Variants in USP25 observed in about 807,000 individuals in gnomAD.
USP25 encodes ubiquitin specific peptidase 25.
USP25 carries 85 observed loss-of-function variants against 158.5 expected under a neutral mutation model. The ratio of observed to expected loss-of-function variants is 0.54; its 90% CI spans 0.45 to 0.64. The LOEUF (loss-of-function observed/expected upper bound fraction) is 0.64, where lower values mean the gene tolerates loss of function less well. Ranked by LOEUF, USP25 falls within the 30% of genes least tolerant of loss-of-function variation. The probability of loss-of-function intolerance (pLI) is 0.00; values close to 1 mark genes in which losing one functional copy is unlikely to be tolerated. For synonymous variants in USP25, 464 were observed against 460.4 expected (o/e 1.01, Z -0.10); for missense variants, 1,242 against 1,327.3 (o/e 0.94, Z 1.00).
At chr21:15,866,149 CA>C (rs2039646277) in intron 21 of USP25, 116 bp from the exon 22 acceptor site, 1 of 490,118 alleles carries the variant, frequency 2.0e-6, no homozygotes, top group Non-Finnish European at 3.2e-6. Context: ...TGTTTCTATA[CA>C]AAAGTACTGC....
At chr21:15,756,744 T>C (rs2033402501) in intron 1 of USP25, among the ~76,000 whole-genome samples, 1 of 152,210 alleles carries the variant, frequency 6.6e-6, no homozygotes, top group Admixed American at 6.5e-5. Context: ...TGAAGACTTG[T>C]AGGTAATCTT....
At chr21:15,874,279 A>AT in intron 23 of USP25, 124 bp from the exon 24 acceptor site, 2 of 885,036 alleles carry the variant, frequency 2.3e-6, no homozygotes, top group Non-Finnish European at 3.2e-6. Flanking sequence ...GTCAGATGAT[A>AT]TTTTTTATTA....
chr21:15,824,357 T>A (rs923201944), intron 11 of USP25, among the ~76,000 whole-genome samples, 191 bp downstream of exon 11: 1 of 152,218 alleles, frequency 6.6e-6, no homozygotes, highest in Non-Finnish European at 1.5e-5. Flanking sequence ...AATAATGTTA[T>A]AAGGAAATTT....
At chr21:15,742,669 A>G (rs1167027865) in intron 1 of USP25, among the ~76,000 whole-genome samples, 1 of 152,204 alleles carries the variant, frequency 6.6e-6, no homozygotes. Context: ...GAAATGGTCC[A>G]CTACCTGAGG....
At chr21:15,831,283 T>C in intron 15 of USP25, 118 bp from the exon 16 acceptor site, 1 of 914,212 alleles carries the variant, frequency 1.1e-6, no homozygotes, top group Non-Finnish European at 1.7e-6. Flanking sequence ...TTCTCTCTCA[T>C]TTAAAAAAAA....
chr21:15,773,471 T>C (rs1036636404), intron 3 of USP25, among the ~76,000 whole-genome samples: 1 of 151,988 alleles, frequency 6.6e-6, no homozygotes, highest in Non-Finnish European at 1.5e-5. Flanking sequence ...CCAGGTCTTC[T>C]GGTTTTTTTT....
intron 17 of USP25, among the ~76,000 whole-genome samples, chr21:15,837,846 G>A (rs1357874645): frequency 6.6e-6 from 1 of 152,130 alleles, no homozygotes; most frequent in Non-Finnish European, 1.5e-5. Flanking sequence ...TGATGTTCCA[G>A]GAGAGTACGG....
intron 6 of USP25, among the ~76,000 whole-genome samples, chr21:15,803,978 A>C (rs750591369): frequency 2.0e-5 from 3 of 151,998 alleles, no homozygotes; most frequent in Non-Finnish European, 4.4e-5. Flanking sequence ...CAACTGTGTA[A>C]ATTTGGAAGA....
chr21:15,866,889 C>T (rs551201784), intron 22 of USP25, among the ~76,000 whole-genome samples: 2 of 152,260 alleles, frequency 1.3e-5, no homozygotes, highest in South Asian at 4.1e-4. Flanking sequence ...AAGTTTACAG[C>T]TTGGCTAATA....
In USP25 at chr21:15,878,641, T is replaced by A; in HGVS notation, c.*166T>A. 1.7e-6 allele frequency: 1 copy of A among 601,994 alleles called. No homozygotes were observed. Among genetic ancestry groups the A allele is most frequent in the Non-Finnish European group, 2.5e-6 (1 of 395,922 alleles). 37.3% of individuals were successfully genotyped at this position (601,994 alleles called of 1,614,324 possible). On this transcript the variant is annotated 3_prime_UTR_variant, in exon 26 of 26. Coordinates refer to ENST00000400183, the MANE Select transcript of USP25 (RefSeq NM_001283041.3). Reference sequence around the variant, plus strand: ...CAGACTTTAGTCAGACTGCAGACAATAAAGCTGAAAATCGCATGGCGCTCA... The same window carrying A: ...CAGACTTTAGTCAGACTGCAGACAAAAAAGCTGAAAATCGCATGGCGCTCA...
intron 6 of USP25, among the ~76,000 whole-genome samples, chr21:15,803,944 A>G (rs2036253565): frequency 6.6e-6 from 1 of 151,944 alleles, no homozygotes; most frequent in African/African-American, 2.4e-5. Flanking sequence ...CCAGACCCCT[A>G]GAATTTTACA....
At chr21:15,763,292 G>A (rs1358830455) in intron 2 of USP25, among the ~76,000 whole-genome samples, 1 of 152,024 alleles carries the variant, frequency 6.6e-6, no homozygotes, top group Admixed American at 6.6e-5. Context: ...GTTTAAATGA[G>A]GGTTCAAGGT....
intron 1 of USP25, among the ~76,000 whole-genome samples, chr21:15,753,419 A>G (rs763416325): frequency 3.3e-5 from 5 of 152,218 alleles, no homozygotes; most frequent in South Asian, 2.1e-4. Context: ...TTAAATTCCT[A>G]TAGTCCCGGG....
Position 15,762,889 on chromosome 21 carries a change from A to G in USP25, c.46-2A>G, listed in dbSNP as rs950689736. On this transcript the variant is annotated splice_acceptor_variant, in intron 1 of 25. Transcript: ENST00000400183. LOFTEE classifies it high-confidence loss of function. ...ATGATTTTGGGTTTTTCCTCCCTCT[A>G]GCACCAGCAGACGTTTTTGAATCAA... 5 of 1,611,962 alleles carry G rather than the reference A, an allele frequency of 3.1e-6. No homozygotes were observed. The African/African-American group carries it at 5.4e-5, about 17-fold the overall frequency.
In USP25 at chr21:15,866,227, A is replaced by G. The variant is rs776260234; in HGVS notation, c.2727-39A>G. 3.5e-5 allele frequency: 49 copies of G among 1,396,248 alleles called. 1 individual carries two copies. In the South Asian group the frequency reaches 6.2e-4, roughly 18 times the overall value. 86.5% of individuals were successfully genotyped at this position (1,396,248 alleles called of 1,614,324 possible). On this transcript the variant is annotated intron_variant, in intron 21 of 25. Transcript: ENST00000400183. ...AATATATATATATATATATACACAC[A>G]CATACACACACGCTCATATGTATGT...
chr21:15,761,105 G>A (rs997101587), intron 1 of USP25, among the ~76,000 whole-genome samples: 1 of 152,198 alleles, frequency 6.6e-6, no homozygotes, highest in African/African-American at 2.4e-5. Flanking sequence ...CCTTCAGTTT[G>A]GGTTTGTGTG....
intron 4 of USP25, among the ~76,000 whole-genome samples, chr21:15,785,200 C>A (rs1182033557): frequency 1.3e-5 from 2 of 151,764 alleles, no homozygotes; most frequent in Non-Finnish European, 2.9e-5. Flanking sequence ...CACCAAGAAG[C>A]AAAACTGTAA....
chr21:15,787,900 T>TCCCCCC (rs1318568088), intron 4 of USP25, among the ~76,000 whole-genome samples: 14 of 69,810 alleles, frequency 2.0e-4, no homozygotes, highest in Non-Finnish European at 3.8e-4. Flanking sequence ...TAACACCCCC[T>TCCCCCC]CACCCCCCCC....
At chr21:15,868,261 C>T (rs1346586417) in intron 22 of USP25, among the ~76,000 whole-genome samples, 1 of 152,066 alleles carries the variant, frequency 6.6e-6, no homozygotes, top group Non-Finnish European at 1.5e-5. Flanking sequence ...ATATTTTTGA[C>T]CAGGATATGT....
Sources: allele counts gnomAD v4.1 joint callset (sites outside exome capture counted in the v4.1 genomes callset), GRCh38; gene constraint gnomAD v4.1.1; transcripts MANE v1.5; gene names NCBI Gene and HGNC (gene_info 2026-07-23, HGNC 2026-07-21).